Variants in CAB39 observed in about 807,000 individuals in gnomAD.
CAB39 encodes calcium-binding protein 39.
Under a neutral mutation model 40.0 loss-of-function variants are expected in CAB39, and 8 were observed. The observed-to-expected ratio is 0.20, with a 90% CI of 0.12 to 0.36. The LOEUF (loss-of-function observed/expected upper bound fraction) is 0.36. Ranked by LOEUF, CAB39 falls within the 10% of genes least tolerant of loss-of-function variation. The pLI, the probability that CAB39 is intolerant of heterozygous loss-of-function variation, is 1.00. For missense variants in CAB39, 270 were observed against 401.1 expected, an observed-to-expected ratio of 0.67 and a Z score of 2.79; for synonymous variants, 156 against 141.6, an observed-to-expected ratio of 1.10 and a Z score of -0.72.
chr2:230,781,144 G>C (rs1263326797), intron 2 of CAB39, among the ~76,000 whole-genome samples: 2 of 152,130 alleles, frequency 1.3e-5, no homozygotes, highest in Non-Finnish European at 2.9e-5. Context: ...AGGTGATTCT[G>C]AGTGTGTTGA....
intron 1 of CAB39, among the ~76,000 whole-genome samples, chr2:230,745,452 CA>C (rs1251882883): frequency 6.6e-6 from 1 of 152,186 alleles, no homozygotes; most frequent in Non-Finnish European, 1.5e-5. Flanking sequence ...TCATGGTCCT[CA>C]GACCTATGCT....
intron 5 of CAB39, among the ~76,000 whole-genome samples, chr2:230,806,661 A>G (rs542400562): frequency 6.6e-6 from 1 of 152,174 alleles, no homozygotes; most frequent in Non-Finnish European, 1.5e-5. Context: ...CCCATAGAAA[A>G]TGGACAAAAC....
At chr2:230,786,544 CTTCT>C (rs1377340743) in intron 2 of CAB39, among the ~76,000 whole-genome samples, 1 of 152,170 alleles carries the variant, frequency 6.6e-6, no homozygotes, top group Non-Finnish European at 1.5e-5. Context: ...ATTCACCTCC[CTTCT>C]TTCTTACTCA....
chr2:230,817,961 A>T, intron 8 of CAB39, 64 bp downstream of exon 8: 2 of 1,433,214 alleles, frequency 1.4e-6, no homozygotes, highest in Non-Finnish European at 1.9e-6. Flanking sequence ...TCATTCGCAA[A>T]TAACGGAAAT....
At position 230,819,091 on chromosome 2, in the gene CAB39, C is replaced by T. The variant is rs1696457329; in HGVS notation, c.*387C>T. 1 of 158,634 alleles carries T rather than the reference C, an allele frequency of 6.3e-6. No homozygotes were observed. Among genetic ancestry groups the T allele is most frequent in the African/African-American group, 2.4e-5 (1 of 41,554 alleles). The allele number at this position is 158,634 out of a possible 1,614,324, so 9.8% of individuals were successfully genotyped here. A position where few individuals can be genotyped will look rare whatever the true frequency, so the allele number is the denominator to read the frequency against. On this transcript the variant is annotated 3_prime_UTR_variant, in exon 9 of 9. Transcript: ENST00000258418. Reference sequence around the variant, plus strand: ...ATCTGAGTGCAGTGTGGCAAGTGCACACCTGGCATCCCTGCGTCAGATCGC... The same window carrying T: ...ATCTGAGTGCAGTGTGGCAAGTGCATACCTGGCATCCCTGCGTCAGATCGC...
chr2:230,790,707 C>T (rs754402494), intron 2 of CAB39, among the ~76,000 whole-genome samples, 165 bp from the exon 3 acceptor site: 2 of 152,170 alleles, frequency 1.3e-5, no homozygotes, highest in African/African-American at 2.4e-5. Flanking sequence ...GCAGACATAG[C>T]GCCCAGCTCC....
At chr2:230,798,225 G>A (rs1696025039) in intron 4 of CAB39, among the ~76,000 whole-genome samples, 1 of 152,210 alleles carries the variant, frequency 6.6e-6, no homozygotes, top group African/African-American at 2.4e-5. Context: ...GTGTTTACAT[G>A]TGGCTGAGAG....
chr2:230,748,829 AAAATATATATATATATATATATATATAT>A lies in CAB39; in HGVS notation c.-43-11128_-43-11101del, dbSNP rs1254709103. Among the ~76,000 whole-genome samples, 5 of 46,428 alleles carry A rather than the reference AAAATATATATATATATATATATATATAT, an allele frequency of 1.1e-4. No homozygotes were observed. In the South Asian group the frequency reaches 3.0e-3, roughly 27 times the overall value. 30.5% of individuals were successfully genotyped at this position (46,428 alleles called of 152,430 possible). A position where few individuals can be genotyped will look rare whatever the true frequency, so the allele number is the denominator to read the frequency against. On this transcript the variant is annotated intron_variant, in intron 1 of 8. Transcript: ENST00000258418. ...TTCCAAAAAGAAAAAAAAAAAAAAA[AAAATATATATATATATATATATATATAT>A]ATATATATATAACAAAATGGTAATT...
At position 230,791,056 on chromosome 2, in the gene CAB39, T is replaced by C. The variant is rs904684075; in HGVS notation, c.279+20T>C. 1.3e-6 allele frequency: 2 copies of C among 1,547,390 alleles called. No homozygotes were observed. Among genetic ancestry groups the C allele is most frequent in the Middle Eastern group, 1.7e-4 (1 of 5,788 alleles). On this transcript the variant is annotated intron_variant, in intron 3 of 8. Transcript: ENST00000258418. ...TTTGAGGTAAGAAATCAATTTCTTATTTTTAAAAAACAGTACCCTGTGCAT... is the reference window on the plus strand; with the variant it reads ...TTTGAGGTAAGAAATCAATTTCTTACTTTTAAAAAACAGTACCCTGTGCAT...
intron 2 of CAB39, among the ~76,000 whole-genome samples, chr2:230,780,227 G>A (rs1695663450): frequency 6.6e-6 from 1 of 152,126 alleles, no homozygotes; most frequent in Non-Finnish European, 1.5e-5. Context: ...TGAAGAAAAG[G>A]CAAAAAGATT....
intron 5 of CAB39, among the ~76,000 whole-genome samples, chr2:230,800,962 C>T (rs1696079364): frequency 6.6e-6 from 1 of 152,010 alleles, no homozygotes; most frequent in East Asian, 1.9e-4. Context: ...TCATGGTGGC[C>T]AGAGAGGGAG....
chr2:230,765,153 AT>A (rs997813373), intron 2 of CAB39, among the ~76,000 whole-genome samples: 30 of 151,906 alleles, frequency 2.0e-4, no homozygotes, highest in Admixed American at 7.2e-4. Flanking sequence ...TACTCAGCTA[AT>A]TTTTTTTGTA....
chr2:230,783,687 A>G (rs1288947694), intron 2 of CAB39, among the ~76,000 whole-genome samples: 3 of 151,186 alleles, frequency 2.0e-5, no homozygotes, highest in Non-Finnish European at 2.9e-5. Context: ...TTTAGGAGAG[A>G]TAGGGTCTCT....
At chr2:230,764,536 A>T (rs553535475) in intron 2 of CAB39, among the ~76,000 whole-genome samples, 1 of 152,262 alleles carries the variant, frequency 6.6e-6, no homozygotes, top group Non-Finnish European at 1.5e-5. Context: ...GATCTCCCAG[A>T]TGTTGACACA....
rs1210721142 is a variant in CAB39, at chr2:230,788,190, CTACTT to C, written c.115-2681_115-2677del. Among the ~76,000 whole-genome samples the C allele has an allele frequency of 1.3e-5, 2 of 149,518 alleles. 1 individual carries two copies. ...CTTTATGTTATGTCTCTTTAATACT[CTACTT>C]GGGTCTCCTTTGTTGGTTTATTAGC... On this transcript the variant is annotated intron_variant, in intron 2 of 8. Coordinates refer to ENST00000258418, the MANE Select transcript of CAB39 (RefSeq NM_016289.4).
chr2:230,740,407 C>T (rs1694855790), intron 1 of CAB39, among the ~76,000 whole-genome samples: 1 of 152,192 alleles, frequency 6.6e-6, no homozygotes, highest in Non-Finnish European at 1.5e-5. Context: ...AAATGCCATA[C>T]TACATACTGA....
At chr2:230,724,651 A>C (rs1253894614) in intron 1 of CAB39, among the ~76,000 whole-genome samples, 1 of 146,308 alleles carries the variant, frequency 6.8e-6, no homozygotes, top group African/African-American at 2.6e-5. Context: ...ATTGCACTCC[A>C]GCCTGGGCAA....
intron 6 of CAB39, among the ~76,000 whole-genome samples, chr2:230,811,581 C>G (rs968200896): frequency 9.9e-5 from 15 of 152,196 alleles, no homozygotes; most frequent in African/African-American, 3.6e-4. Context: ...AGTCTCAGCC[C>G]TACCATGGGC....
At chr2:230,800,007 G>A (rs1047846155) in intron 5 of CAB39, among the ~76,000 whole-genome samples, 2 of 150,584 alleles carry the variant, frequency 1.3e-5, no homozygotes. Context: ...AAAAAAAAAT[G>A]TATACACGCA....
Sources: allele counts gnomAD v4.1 joint callset (sites outside exome capture counted in the v4.1 genomes callset), GRCh38; gene constraint gnomAD v4.1.1; transcripts MANE v1.5; gene names NCBI Gene and HGNC (gene_info 2026-07-23, HGNC 2026-07-21).